Variants in TEAD1 observed in about 807,000 individuals in gnomAD.
TEAD1 encodes the protein transcriptional enhancer factor TEF-1.
In TEAD1, 9 loss-of-function variants were observed where a neutral mutation model predicts 54.9. The ratio of observed to expected loss-of-function variants is 0.16; its 90% CI spans 0.10 to 0.29. The LOEUF (loss-of-function observed/expected upper bound fraction) is 0.29. Among genes scored for constraint, TEAD1 ranks in the 10% least tolerant of loss-of-function variants. TEAD1 has a pLI of 1.00. For missense variants in TEAD1, 387 were observed against 535.9 expected (o/e 0.72, Z 2.74); for synonymous variants, 200 against 187.8 (o/e 1.07, Z -0.53).
intron 2 of TEAD1, among the ~76,000 whole-genome samples, chr11:12,682,570 C>A (rs1943245081): frequency 6.6e-6 from 1 of 152,180 alleles, no homozygotes; most frequent in Non-Finnish European, 1.5e-5. Context: ...TGGAGATGAA[C>A]TGTGGATAAA....
intron 7 of TEAD1, 91 bp downstream of exon 7, chr11:12,881,142 C>A: frequency 7.0e-7 from 1 of 1,425,988 alleles, no homozygotes; most frequent in Non-Finnish European, 9.9e-7. Flanking sequence ...GTCTCAGGGC[C>A]TGGAGGAGAA....
chr11:12,818,944 A>G (rs773925358), intron 3 of TEAD1, among the ~76,000 whole-genome samples: 6 of 152,242 alleles, frequency 3.9e-5, no homozygotes, highest in Non-Finnish European at 7.3e-5. Flanking sequence ...CATAGGCTAG[A>G]GTAACAGTAA....
At chr11:12,828,267 A>G (rs912829025) in intron 3 of TEAD1, 2 of 152,176 alleles carry the variant, frequency 1.3e-5, no homozygotes, top group Non-Finnish European at 2.9e-5. Flanking sequence ...CGCTGAAACA[A>G]TTGCTGTGCT....
chr11:12,919,354 G>C (rs1376805939), intron 10 of TEAD1, among the ~76,000 whole-genome samples: 3 of 152,162 alleles, frequency 2.0e-5, no homozygotes, highest in Non-Finnish European at 4.4e-5. Flanking sequence ...TAAGGACTTT[G>C]CTTGGCTGTA....
At chr11:12,780,375 C>T (rs992445854) in intron 3 of TEAD1, among the ~76,000 whole-genome samples, 1 of 151,820 alleles carries the variant, frequency 6.6e-6, no homozygotes, top group South Asian at 2.1e-4. Context: ...TCCCGAGTAA[C>T]TGGGATTACA....
intron 11 of TEAD1, among the ~76,000 whole-genome samples, chr11:12,929,136 C>CT (rs1288973659): frequency 6.7e-6 from 1 of 149,286 alleles, no homozygotes; most frequent in East Asian, 2.1e-4. Context: ...GAAAGCATCT[C>CT]TATCTGCTGT....
At chr11:12,908,336 C>A (rs904499749) in intron 10 of TEAD1, among the ~76,000 whole-genome samples, 9 of 152,172 alleles carry the variant, frequency 5.9e-5, no homozygotes, top group African/African-American at 2.2e-4. Flanking sequence ...ACTAGTCAAT[C>A]CTTAATTGGT....
rs1223985039 is a variant in TEAD1 at position 12,684,361 on chromosome 11, TC to T, written c.-55+8801del. ...CTAAAAGAAAACCTTTTCCTTAGCT[TC>T]TTGCTTGAAAGCCACACTCCTAACA... On this transcript the variant is annotated intron_variant, in intron 2 of 12. Transcript: ENST00000527636. Among the ~76,000 whole-genome samples, 3 of 152,262 alleles carry T rather than the reference TC, an allele frequency of 2.0e-5. No homozygotes were observed. The East Asian group carries it at 5.8e-4, about 29-fold the overall frequency.
chr11:12,931,070 A>G (rs1949003438), intron 12 of TEAD1, among the ~76,000 whole-genome samples: 2 of 152,200 alleles, frequency 1.3e-5, no homozygotes, highest in African/African-American at 4.8e-5. Context: ...GTTCAAGACC[A>G]GCCTGGGTGA....
At chr11:12,704,127 TTG>T in intron 2 of TEAD1, among the ~76,000 whole-genome samples, 1 of 152,300 alleles carries the variant, frequency 6.6e-6, no homozygotes, top group Non-Finnish European at 1.5e-5. Context: ...TGAGTTGGCG[TTG>T]TGTTTGGTTT....
At chr11:12,905,072 T>C (rs1285820122) in intron 10 of TEAD1, 1 of 153,212 alleles carries the variant, frequency 6.5e-6, no homozygotes, top group South Asian at 2.0e-4. Context: ...AATTATAGAA[T>C]GTTATGAAGA....
intron 2 of TEAD1, among the ~76,000 whole-genome samples, chr11:12,694,435 C>T (rs188868615): frequency 3.7e-4 from 56 of 151,426 alleles, no homozygotes; most frequent in African/African-American, 1.2e-3. Context: ...CAGTGTTTCA[C>T]GCCAGTCTTC....
At chr11:12,731,816 C>G (rs1011997903) in intron 2 of TEAD1, among the ~76,000 whole-genome samples, 1 of 152,188 alleles carries the variant, frequency 6.6e-6, no homozygotes, top group Non-Finnish European at 1.5e-5. Flanking sequence ...TCTCTAGCCT[C>G]ACTGTCCCCA....
At position 12,937,640 on chromosome 11, in the gene TEAD1, A is replaced by C. The variant is rs902753160; in HGVS notation, c.*418A>C. The C allele has an allele frequency of 6.5e-6, 1 of 153,898 alleles. No homozygotes were observed. Among genetic ancestry groups the C allele is most frequent in the African/African-American group, 2.4e-5 (1 of 41,472 alleles). 9.5% of individuals were successfully genotyped at this position (153,898 alleles called of 1,614,324 possible). A position where few individuals can be genotyped will look rare whatever the true frequency, so the allele number is the denominator to read the frequency against. On this transcript the variant is annotated 3_prime_UTR_variant, in exon 13 of 13. Transcript: ENST00000527636. ...TGTATTTAGTTCTCTTTTTTCCAAC[A>C]TAAAATTCTTGTTTTAAGATACAAG...
At chr11:12,711,968 ACTC>A (rs1564914794) in intron 2 of TEAD1, among the ~76,000 whole-genome samples, 1 of 151,312 alleles carries the variant, frequency 6.6e-6, no homozygotes, top group African/African-American at 2.4e-5. Flanking sequence ...TCTCTTCTCT[ACTC>A]CTCTTCTCCA....
intron 3 of TEAD1, among the ~76,000 whole-genome samples, chr11:12,824,309 A>AGT (rs766175491): frequency 5.9e-5 from 9 of 152,186 alleles, no homozygotes; most frequent in Non-Finnish European, 1.3e-4. Context: ...GACTTGCCTA[A>AGT]GTGTGTACGC....
intron 2 of TEAD1, among the ~76,000 whole-genome samples, chr11:12,735,458 G>T (rs1944511129): frequency 6.6e-6 from 1 of 152,098 alleles, no homozygotes; most frequent in Admixed American, 6.5e-5. Context: ...CTACAAAGTG[G>T]TGGAATGTGT....
At chr11:12,772,855 T>C (rs989343029) in intron 3 of TEAD1, among the ~76,000 whole-genome samples, 1 of 152,180 alleles carries the variant, frequency 6.6e-6, no homozygotes, top group Non-Finnish European at 1.5e-5. Context: ...ACACTACTTG[T>C]TGTGTGTTAG....
At chr11:12,688,655 C>T (rs1274844516) in intron 2 of TEAD1, among the ~76,000 whole-genome samples, 1 of 152,228 alleles carries the variant, frequency 6.6e-6, no homozygotes, top group African/African-American at 2.4e-5. Context: ...GTTGCAGCCC[C>T]AGTTCTGCCT....
Sources: gnomAD v4.1 joint callset for allele counts (sites outside exome capture counted in the v4.1 genomes callset) on GRCh38, gnomAD v4.1.1 for gene constraint, MANE v1.5 for transcripts, NCBI Gene and HGNC (gene_info 2026-07-23, HGNC 2026-07-21) for gene names.